The following CDH4 variants were observed in gnomAD, a reference collection of about 807,000 sequenced individuals.
CDH4 encodes the protein cadherin-4.
CDH4 carries 33 observed loss-of-function variants against 86.0 expected under a neutral mutation model. The ratio of observed to expected loss-of-function variants is 0.38; its 90% CI spans 0.29 to 0.51. The LOEUF is 0.51. CDH4 is among the 20% of genes least tolerant of loss of function. The probability of loss-of-function intolerance (pLI) is 0.86; values close to 1 mark genes in which losing one functional copy is unlikely to be tolerated. For synonymous variants in CDH4, 555 were observed against 549.4 expected (o/e 1.01, Z -0.14); for missense variants, 1,114 against 1,307.4 (o/e 0.85, Z 2.28).
At chr20:61,523,801 C>A (rs566219149) in intron 2 of CDH4, among the ~76,000 whole-genome samples, 2 of 152,348 alleles carry the variant, frequency 1.3e-5, no homozygotes, top group East Asian at 3.9e-4. Flanking sequence ...CCTTTCACTG[C>A]CGGGGAGACC....
chr20:61,575,372 C>T (rs1417746561), intron 2 of CDH4, among the ~76,000 whole-genome samples: 1 of 152,164 alleles, frequency 6.6e-6, no homozygotes, highest in Non-Finnish European at 1.5e-5. Flanking sequence ...CACACAGCTC[C>T]AGTTTTATGG....
At chr20:61,331,711 C>T (rs112330675) in intron 2 of CDH4, among the ~76,000 whole-genome samples, 1 of 66,428 alleles carries the variant, frequency 1.5e-5, no homozygotes, top group Non-Finnish European at 3.3e-5. Flanking sequence ...CCACCTCCTG[C>T]CCCGACCACC....
chr20:61,383,271 A>G (rs1284661245), intron 2 of CDH4, among the ~76,000 whole-genome samples: 1 of 116,516 alleles, frequency 8.6e-6, no homozygotes, highest in Non-Finnish European at 1.6e-5. Context: ...TGTGATATAT[A>G]TGAATATATG....
At chr20:61,638,286 G>A (rs1403862105) in intron 2 of CDH4, among the ~76,000 whole-genome samples, 1 of 152,158 alleles carries the variant, frequency 6.6e-6, no homozygotes, top group Admixed American at 6.5e-5. Context: ...AGTATTTCCT[G>A]CTCACCACAT....
intron 2 of CDH4, among the ~76,000 whole-genome samples, chr20:61,346,019 C>G (rs1051870747): frequency 1.3e-5 from 2 of 152,204 alleles, no homozygotes; most frequent in Non-Finnish European, 2.9e-5. Context: ...AGAGGCAGAA[C>G]ACACAGGGAA....
chr20:61,264,015 C>A (rs1437925577), intron 2 of CDH4, among the ~76,000 whole-genome samples: 1 of 152,142 alleles, frequency 6.6e-6, no homozygotes, highest in East Asian at 1.9e-4. Flanking sequence ...CCAGGATAAT[C>A]TCCCGTTGCA....
At chr20:61,287,667 ACC>A (rs2084300563) in intron 2 of CDH4, among the ~76,000 whole-genome samples, 1 of 152,008 alleles carries the variant, frequency 6.6e-6, no homozygotes, top group Non-Finnish European at 1.5e-5. Flanking sequence ...GACCCTGCTT[ACC>A]CCATGTGGCC....
intron 2 of CDH4, among the ~76,000 whole-genome samples, chr20:61,354,529 G>T (rs547342166): frequency 6.6e-6 from 1 of 152,330 alleles, no homozygotes; most frequent in East Asian, 1.9e-4. Context: ...ATAAATCAAA[G>T]ATGATAATTG....
intron 2 of CDH4, among the ~76,000 whole-genome samples, chr20:61,279,378 C>T (rs923806633): frequency 6.6e-6 from 1 of 152,172 alleles, no homozygotes; most frequent in Non-Finnish European, 1.5e-5. Context: ...AAGGAAACCT[C>T]GGCCTTTTCC....
rs1001627925 is a variant in CDH4, at chr20:61,296,340, T to A, written c.169+41403T>A. 1.3e-3 allele frequency among the ~76,000 whole-genome samples: 183 copies of A among 145,572 alleles called. 1 individual carries two copies. The highest frequency in any genetic ancestry group is 3.6e-3 in the Middle Eastern group (1 of 280). ...GCATGCGTGCGTGTGTGTGTGTGTG[T>A]GAGAGAGAGATCGATCTACTACCTG... On this transcript the variant is annotated intron_variant, in intron 2 of 15. Coordinates refer to ENST00000614565, the MANE Select transcript of CDH4 (RefSeq NM_001794.5).
At chr20:61,648,208 C>T (rs773523024) in intron 2 of CDH4, among the ~76,000 whole-genome samples, 49 of 152,212 alleles carry the variant, frequency 3.2e-4, no homozygotes, top group Non-Finnish European at 8.8e-5. Context: ...GATGCTAATT[C>T]ATTGTCTGGG....
chr20:61,594,785 G>A (rs1041772583), intron 2 of CDH4, among the ~76,000 whole-genome samples: 3 of 152,200 alleles, frequency 2.0e-5, no homozygotes, highest in Admixed American at 1.3e-4. Context: ...GATACCTGAG[G>A]AAATCAAGAC....
In CDH4 at chr20:61,752,803, C is replaced by T. The variant is rs561987041; in HGVS notation, c.396+9014C>T. The stretch of plus-strand genomic sequence containing the variant: ...CAGGAACACGTGTCAGCCGAGTGAC[C>T]GCACTCCCATGAAGTCCAAATTCGG... On this transcript the variant is annotated intron_variant, in intron 3 of 15. Transcript: ENST00000614565. Among the ~76,000 whole-genome samples, 8 of 152,248 alleles carry T rather than the reference C, an allele frequency of 5.3e-5. No homozygotes were observed. The South Asian group carries it at 8.3e-4, about 16-fold the overall frequency.
intron 2 of CDH4, among the ~76,000 whole-genome samples, chr20:61,533,663 G>A (rs1040779905): frequency 3.9e-5 from 6 of 152,238 alleles, no homozygotes; most frequent in African/African-American, 7.2e-5. Flanking sequence ...TAGCACTGCC[G>A]CCTCCTGCTT....
At position 61,858,465 on chromosome 20, in the gene CDH4, GTC is replaced by G. The variant is rs199875468; in HGVS notation, c.877+5571_877+5572del. Among the ~76,000 whole-genome samples, 1,430 of 151,310 alleles carry G rather than the reference GTC, an allele frequency of 9.5e-3. 18 individuals carry two copies. Among genetic ancestry groups the G allele is most frequent in the African/African-American group, 0.033 (1,339 of 41,154 alleles). ...TGTCTCTGTGTCTGTATCTGTGTGT[GTC>G]TCTGTGTCTGTGTCTCTGTGTCTGT... is the stretch of plus-strand genomic sequence containing the variant. On this transcript the variant is annotated intron_variant, in intron 6 of 15. Coordinates refer to ENST00000614565, the MANE Select transcript of CDH4 (RefSeq NM_001794.5).
chr20:61,888,874 C>T (rs1222214427), intron 7 of CDH4, among the ~76,000 whole-genome samples: 1 of 151,972 alleles, frequency 6.6e-6, no homozygotes, highest in Non-Finnish European at 1.5e-5. Context: ...ACTGCCTGGC[C>T]CTCACTGGAC....
At position 61,517,982 on chromosome 20, in the gene CDH4, G is replaced by C. The variant is rs1455750901; in HGVS notation, c.170-225581G>C. On this transcript the variant is annotated intron_variant, in intron 2 of 15. Transcript: ENST00000614565. The surrounding 1 kb of genome is among the most constrained non-coding windows in gnomAD (Gnocchi z 6.6). ...CTGGATGGGCCTCTCGTGTGGGGCT[G>C]GGGCAGGAGCTGCCTGCCTCCCCGT... Among the ~76,000 whole-genome samples the C allele has an allele frequency of 6.6e-6, 1 of 150,810 alleles. No homozygotes were observed. The highest frequency in any genetic ancestry group is 2.2e-4 in the South Asian group (1 of 4,566).
intron 2 of CDH4, among the ~76,000 whole-genome samples, chr20:61,434,186 C>A (rs1222538329): frequency 6.6e-6 from 1 of 152,170 alleles, no homozygotes; most frequent in Non-Finnish European, 1.5e-5. Context: ...GTGGTGTTTA[C>A]CCCTGGATAA....
intron 4 of CDH4, among the ~76,000 whole-genome samples, chr20:61,815,454 T>C (rs1221945103): frequency 6.6e-6 from 1 of 152,176 alleles, no homozygotes; most frequent in Non-Finnish European, 1.5e-5. Flanking sequence ...TCAGAGCTCT[T>C]CAGCTGGACT....
Sources: gnomAD v4.1 joint callset for allele counts (sites outside exome capture counted in the v4.1 genomes callset) on GRCh38, gnomAD v4.1.1 for gene constraint, Gnocchi (gnomAD v3.1) non-coding constraint, MANE v1.5 for transcripts, NCBI Gene and HGNC (gene_info 2026-07-23, HGNC 2026-07-21) for gene names.